The following ARAP1 variants were observed in gnomAD, a reference collection of about 807,000 sequenced individuals.
ARAP1 encodes ArfGAP with RhoGAP domain, ankyrin repeat and PH domain 1, also known as arf-GAP with Rho-GAP domain, ANK repeat and PH domain-containing protein 1.
In ARAP1, 76 loss-of-function variants were observed where a neutral mutation model predicts 172.2. The observed-to-expected ratio is 0.44, with a 90% CI of 0.37 to 0.53. ARAP1 has a LOEUF of 0.53. ARAP1 is among the 20% of genes least tolerant of loss of function. ARAP1 has a pLI of 0.00. For synonymous variants in ARAP1, 804 were observed against 803.3 expected (o/e 1.00, Z -0.01); for missense variants, 1,686 against 1,977.5 (o/e 0.85, Z 2.80).
chr11:72,693,014 T>G lies in ARAP1; in HGVS notation c.3955-229A>C. On this transcript the variant is annotated intron_variant, in intron 29 of 34. Coordinates refer to ENST00000393609, the MANE Select transcript of ARAP1 (RefSeq NM_001040118.3). This position sits in a 1 kb window ranked among gnomAD's most constrained non-coding sequence, Gnocchi z 4.6. ...TATGACAAGGCATGCATGCACAACTTGGGGCTGTCATCAAGTAACAGGTTC... is the reference window on the plus strand; with the variant it reads ...TATGACAAGGCATGCATGCACAACTGGGGGCTGTCATCAAGTAACAGGTTC... The G allele has an allele frequency of 1.5e-6, 1 of 647,138 alleles. No individual in the cohort carries two copies. Among genetic ancestry groups the G allele is most frequent in the Non-Finnish European group, 2.7e-6 (1 of 370,868 alleles). 40.1% of individuals were successfully genotyped at this position (647,138 alleles called of 1,614,324 possible).
chr11:72,706,019 T>G, intron 12 of ARAP1, 129 bp from the exon 13 acceptor site: 1 of 783,420 alleles, frequency 1.3e-6, no homozygotes, highest in South Asian at 1.7e-5. Flanking sequence ...GTAGGCCTGC[T>G]GGCAGCTCTG....
chr11:72,729,969 G>A (rs1260908686), intron 2 of ARAP1, among the ~76,000 whole-genome samples: 5 of 150,334 alleles, frequency 3.3e-5, no homozygotes, highest in Non-Finnish European at 1.5e-5. Flanking sequence ...AAGCCTTCTG[G>A]AAATGAAACA....
intron 3 of ARAP1, among the ~76,000 whole-genome samples, chr11:72,715,795 A>G (rs1479495321): frequency 6.6e-6 from 1 of 151,922 alleles, no homozygotes; most frequent in Non-Finnish European, 1.5e-5. Context: ...TCGGCTTCCC[A>G]AAGCAATCCT....
chr11:72,744,140 A>ATGTCACCATCTGTGACTGTGTG (rs575786831), intron 1 of ARAP1, among the ~76,000 whole-genome samples: 1 of 152,020 alleles, frequency 6.6e-6, no homozygotes, highest in Non-Finnish European at 1.5e-5. Flanking sequence ...ATCACACCAG[A>ATGTCACCATCTGTGACTGTGTG]TGTCACCATC....
At chr11:72,742,912 CCT>C (rs1487642183) in intron 1 of ARAP1, among the ~76,000 whole-genome samples, 7 of 152,196 alleles carry the variant, frequency 4.6e-5, no homozygotes. Context: ...GCAACCTGTC[CCT>C]GTGTGCCCCC....
rs887149571 is a variant in ARAP1 at position 72,707,337 on chromosome 11, A to G, written c.1561T>C (p.Leu521=). Residue 521 remains leucine, a synonymous_variant, in exon 12 of 35, where the codon TTG becomes CTG. Transcript: ENST00000393609. ...ADSELEKEQW[L]EAMQGAIAEA... ...GCGATGGCTCCCTGCATGGCCTCCA[A>G]CCACTGCTCCTTCTCTAGCTCTGAG... The G allele has an allele frequency of 2.5e-6, 4 of 1,613,314 alleles. No homozygotes were observed. In the African/African-American group the frequency reaches 5.3e-5, roughly 22 times the overall value.
At chr11:72,686,684 C>T (rs1855701526) in intron 33 of ARAP1, among the ~76,000 whole-genome samples, 1 of 152,210 alleles carries the variant, frequency 6.6e-6, no homozygotes, top group African/African-American at 2.4e-5. Flanking sequence ...TGGCCCTGCT[C>T]TGGCTCAGGA....
In ARAP1 at chr11:72,736,761, T is replaced by A. The variant is rs183721757; in HGVS notation, c.-127-4164A>T. 7.9e-5 allele frequency among the ~76,000 whole-genome samples: 12 copies of A among 152,286 alleles called. No homozygotes were observed. In the East Asian group the frequency reaches 2.3e-3, roughly 29 times the overall value. Reference sequence around the variant, plus strand: ...CTCAAAGCCTTTCCATGGTTCCCAGTGCCTTCGAGCACTCCTTGGTCTGTC... The same window carrying A: ...CTCAAAGCCTTTCCATGGTTCCCAGAGCCTTCGAGCACTCCTTGGTCTGTC... On this transcript the variant is annotated intron_variant, in intron 1 of 34. Transcript: ENST00000393609.
chr11:72,704,754 T>C (rs1856678275), intron 13 of ARAP1: 1 of 176,268 alleles, frequency 5.7e-6, no homozygotes, highest in Admixed American at 5.4e-5. Flanking sequence ...CATTCCTCTC[T>C]GGGCAAGAGG....
At chr11:72,732,671 G>C (rs1162167781) in intron 1 of ARAP1, 74 bp from the exon 2 acceptor site, 1 of 152,488 alleles carries the variant, frequency 6.6e-6, no homozygotes, top group African/African-American at 2.4e-5. Flanking sequence ...GAGAGGGGAA[G>C]AGGGAGAGGG....
chr11:72,731,524 AGCTGAGCAGAT>A (rs1345926751), intron 2 of ARAP1, among the ~76,000 whole-genome samples: 2 of 152,194 alleles, frequency 1.3e-5, no homozygotes, highest in Non-Finnish European at 2.9e-5. Flanking sequence ...CCTCACCAGA[AGCTGAGCAGAT>A]GCTGGTGCCA....
Position 72,726,740 on chromosome 11 carries a change from G to C in ARAP1, c.389C>G (p.Thr130Ser). 1.4e-6 allele frequency: 2 copies of C among 1,469,066 alleles called. No homozygotes were observed. Among genetic ancestry groups the C allele is most frequent in the Non-Finnish European group, 1.8e-6 (2 of 1,094,584 alleles). The allele number at this position is 1,469,066 out of a possible 1,614,324, so 91.0% of individuals were successfully genotyped here. The change falls in exon 3 of 35, where the codon ACC becomes AGC. Residue 130 changes from threonine (T) to serine (S), a missense_variant. Around this residue, in one of 5 missense-constraint regions of ARAP1, gnomAD observed 190 missense variants for 228.6 expected, o/e 0.83. Transcript: ENST00000393609. The surrounding 1 kb of genome is among the most constrained non-coding windows in gnomAD (Gnocchi z 6.5). ...GTCTGGGGCAGCTGTGGATGGGGTG[G>C]TGAAGCAGGTGGGCGGAAGGCAGCT... ...RRSCLPPTCF[T>S]TPSTAAPDPV...
Position 72,695,261 on chromosome 11 carries a change from C to A in ARAP1, c.3576+126G>T. On this transcript the variant is annotated intron_variant, in intron 26 of 34. Coordinates refer to ENST00000393609, the MANE Select transcript of ARAP1 (RefSeq NM_001040118.3). This position sits in a 1 kb window ranked among gnomAD's most constrained non-coding sequence, Gnocchi z 4.4. ...GGTCCTTAGGAGCAGACCCCAGCAC[C>A]AGCCAGATACAGGTCCCAAACTGGT... 1 of 1,382,470 alleles carries A rather than the reference C, an allele frequency of 7.2e-7. No individual in the cohort carries two copies. The highest frequency in any genetic ancestry group is 1.8e-5 in the Admixed American group (1 of 56,240). 85.6% of individuals were successfully genotyped at this position (1,382,470 alleles called of 1,614,324 possible). A position where few individuals can be genotyped will look rare whatever the true frequency, so the allele number is the denominator to read the frequency against.
intron 11 of ARAP1, 26 bp from the exon 12 acceptor site, chr11:72,707,400 A>T (rs373334831): frequency 5.6e-6 from 9 of 1,593,766 alleles, no homozygotes; most frequent in Non-Finnish European, 7.7e-6. Context: ...TGGGGAGATT[A>T]GTGGGGATGG....
intron 11 of ARAP1, 61 bp from the exon 12 acceptor site, chr11:72,707,435 T>C (rs534361247): frequency 1.5e-5 from 23 of 1,488,718 alleles, no homozygotes; most frequent in East Asian, 9.3e-5. Flanking sequence ...GGGGGCAGCA[T>C]GAGGATGCAC....
chr11:72,693,389 C>A lies in ARAP1; in HGVS notation c.3890G>T (p.Gly1297Val). The A allele has an allele frequency of 6.2e-7, 1 of 1,613,918 alleles. No individual in the cohort carries two copies. The highest frequency in any genetic ancestry group is 1.3e-5 in the African/African-American group (1 of 75,018). Residue 1297 changes from glycine (G) to valine (V), a missense_variant, in exon 29 of 35, where the codon GGT (glycine) becomes GTT (valine). Transcript: ENST00000393609. The surrounding 1 kb of genome is among the most constrained non-coding windows in gnomAD (Gnocchi z 4.6). ...GATGAAGTAGCGATCGTGGAAGCCACCTGAGGGCAGGCCCAGGCCCAGGAG... is the reference window on the plus strand; with the variant it reads ...GATGAAGTAGCGATCGTGGAAGCCAACTGAGGGCAGGCCCAGGCCCAGGAG... Reference protein sequence around the residue: ...RSLLGLGLPSGGFHDRYFILN... With the variant: ...RSLLGLGLPSVGFHDRYFILN...
At chr11:72,713,619 GGGCA>G (rs1410274988) in intron 4 of ARAP1, among the ~76,000 whole-genome samples, 2 of 152,082 alleles carry the variant, frequency 1.3e-5, no homozygotes, top group African/African-American at 4.8e-5. Context: ...AGGCTGAGGT[GGGCA>G]GATCACGAAC....
At chr11:72,728,965 T>A (rs898580212) in intron 2 of ARAP1, among the ~76,000 whole-genome samples, 1 of 152,216 alleles carries the variant, frequency 6.6e-6, no homozygotes, top group Non-Finnish European at 1.5e-5. Flanking sequence ...AGGAAAATTC[T>A]GGAAGCAGGG....
chr11:72,719,123 A>G (rs1313207238), intron 3 of ARAP1, among the ~76,000 whole-genome samples: 1 of 152,158 alleles, frequency 6.6e-6, no homozygotes, highest in Non-Finnish European at 1.5e-5. Context: ...CTGGCAGCCC[A>G]GCACCACAGC....
Sources: allele counts gnomAD v4.1 joint callset (sites outside exome capture counted in the v4.1 genomes callset), GRCh38; gene constraint gnomAD v4.1.1; regional missense constraint gnomAD v4.1.1; non-coding constraint Gnocchi (gnomAD v3.1); transcripts MANE v1.5; gene names NCBI Gene and HGNC (gene_info 2026-07-23, HGNC 2026-07-21).